LYST: variants seen among roughly 807,000 people sequenced by gnomAD.
The protein encoded by LYST is lysosomal-trafficking regulator.
LYST carries 192 observed loss-of-function variants against 413.6 expected under a neutral mutation model. The observed-to-expected ratio is 0.46, with a 90% CI of 0.41 to 0.52. The LOEUF (loss-of-function observed/expected upper bound fraction) is 0.52, where lower values mean the gene tolerates loss of function less well. Ranked by LOEUF, LYST falls within the 20% of genes least tolerant of loss-of-function variation. LYST has a pLI of 0.00. For missense variants in LYST, 3,815 were observed against 4,499.9 expected (o/e 0.85, Z 4.35); for synonymous variants, 1,525 against 1,567.3 (o/e 0.97, Z 0.64).
intron 1 of LYST, among the ~76,000 whole-genome samples, chr1:235,851,390 G>A (rs962721958): frequency 4.6e-5 from 7 of 151,004 alleles, no homozygotes; most frequent in Non-Finnish European, 8.9e-5. Context: ...AATGGACTCT[G>A]AGGACTTGGG....
intron 1 of LYST, among the ~76,000 whole-genome samples, chr1:235,853,967 A>C (rs1678862154): frequency 6.7e-6 from 1 of 150,350 alleles, no homozygotes. Context: ...TTGTAGCTAT[A>C]GAGAGAGAGA....
At chr1:235,684,495 A>G (rs535932178) in intron 48 of LYST, among the ~76,000 whole-genome samples, 1 of 152,362 alleles carries the variant, frequency 6.6e-6, no homozygotes, top group South Asian at 2.1e-4. Context: ...GATTAAAGGT[A>G]ATGGCAGTGT....
intron 1 of LYST, among the ~76,000 whole-genome samples, chr1:235,856,032 G>C (rs1679138067): frequency 6.6e-6 from 1 of 152,054 alleles, no homozygotes; most frequent in Non-Finnish European, 1.5e-5. Context: ...GCAGAGCACA[G>C]AACAGAAATA....
Position 235,830,166 on chromosome 1 carries a change from T to C in LYST, c.192+60A>G, listed in dbSNP as rs550920752. 5.1e-5 allele frequency: 66 copies of C among 1,291,470 alleles called. No individual in the cohort carries two copies. The African/African-American group carries it at 8.4e-4, about 16-fold the overall frequency. 80.0% of individuals were successfully genotyped at this position (1,291,470 alleles called of 1,614,324 possible). Reference sequence around the variant, plus strand: ...TCAGAAACTATGTAATCCAAAACCATGTAGCTACAGTTAACTATCATATAT... The same window carrying C: ...TCAGAAACTATGTAATCCAAAACCACGTAGCTACAGTTAACTATCATATAT... On this transcript the variant is annotated intron_variant, in intron 3 of 52. Coordinates refer to ENST00000389793, the MANE Select transcript of LYST (RefSeq NM_000081.4).
chr1:235,742,456 GA>G (rs980963372), intron 30 of LYST, among the ~76,000 whole-genome samples: 261 of 133,198 alleles, frequency 2.0e-3, no homozygotes, highest in African/African-American at 4.8e-3. Context: ...CTCCATCTCA[GA>G]AAAAAAAAAA....
At chr1:235,830,102 G>T (rs1372624838) in intron 3 of LYST, 124 bp downstream of exon 3, 2 of 697,570 alleles carry the variant, frequency 2.9e-6, no homozygotes, top group Non-Finnish European at 4.9e-6. Flanking sequence ...TTTTTTTAGT[G>T]GAATAATGTG....
At chr1:235,678,574 A>G (rs1659567616) in intron 48 of LYST, among the ~76,000 whole-genome samples, 1 of 152,170 alleles carries the variant, frequency 6.6e-6, no homozygotes, top group Non-Finnish European at 1.5e-5. Flanking sequence ...TTTCCCCTTC[A>G]AAAATATAGA....
chr1:235,817,345 C>T (rs1309505077), intron 3 of LYST, among the ~76,000 whole-genome samples: 1 of 152,174 alleles, frequency 6.6e-6, no homozygotes, highest in Admixed American at 6.5e-5. Flanking sequence ...AACAGAACTA[C>T]CATTCAACCC....
intron 40 of LYST, among the ~76,000 whole-genome samples, chr1:235,718,559 G>C (rs1663055639): frequency 6.6e-6 from 1 of 152,170 alleles, no homozygotes; most frequent in African/African-American, 2.4e-5. Context: ...ACTGCGCCCA[G>C]CTTAAATCTG....
At chr1:235,747,382 C>T (rs7528423) in intron 28 of LYST, 6,104 of 303,172 alleles carry the variant, frequency 0.02, 364 homozygotes, top group African/African-American at 0.13. Context: ...ATAACCTCTA[C>T]AAAAATTACT....
chr1:235,859,933 A>T (rs1482459454), intron 1 of LYST, among the ~76,000 whole-genome samples: 2 of 152,252 alleles, frequency 1.3e-5, no homozygotes, highest in Non-Finnish European at 2.9e-5. Context: ...TTGGCAAAGT[A>T]AGCATGAAGT....
intron 10 of LYST, among the ~76,000 whole-genome samples, chr1:235,796,263 C>T (rs1365466779): frequency 6.6e-6 from 1 of 151,912 alleles, no homozygotes; most frequent in Non-Finnish European, 1.5e-5. Flanking sequence ...ATAGAATAGA[C>T]AAATAGGACT....
chr1:235,864,668 A>G (rs1490142598), intron 1 of LYST, among the ~76,000 whole-genome samples: 2 of 152,214 alleles, frequency 1.3e-5, no homozygotes, highest in Admixed American at 6.5e-5. Context: ...GCAGTGGCTC[A>G]CGCCTACAAT....
In LYST at chr1:235,808,895, A is replaced by G; in HGVS notation, c.1923T>C (p.Thr641=). 1.2e-6 allele frequency: 2 copies of G among 1,613,302 alleles called. No individual in the cohort carries two copies. The highest frequency in any genetic ancestry group is 1.1e-5 in the South Asian group (1 of 91,010). Residue 641 remains threonine, a synonymous_variant, in exon 5 of 53, where the codon ACT becomes ACC. Transcript: ENST00000389793. ...ATTGGGCTAGTTGGTCAGAGTCAAC[A>G]GTACAAATATTACAAGCTGCTTTTT... ...KIKKAACNIC[T]VDSDQLAQLE... is the part of the protein sequence containing the mutation.
At chr1:235,704,545 G>A (rs1172886673) in intron 44 of LYST, among the ~76,000 whole-genome samples, 5 of 152,214 alleles carry the variant, frequency 3.3e-5, no homozygotes, top group South Asian at 2.1e-4. Context: ...TTGGTCACAC[G>A]TATGTCTTGT....
rs758182299 is a variant in LYST at position 235,808,545 on chromosome 1, T to C, written c.2273A>G (p.Gln758Arg). ...HCQHLSVTSA[Q>R]SHVCSHHNQC... is the part of the protein sequence containing the mutation. ...GTTATGATGGCTACATACATGACTT[T>C]GAGCTGAAGTAACGCTTAGGTGTTG... The change falls in exon 5 of 53, where the codon CAA becomes CGA. Residue 758 changes from glutamine to arginine, a missense_variant. Coordinates refer to ENST00000389793, the MANE Select transcript of LYST (RefSeq NM_000081.4). The C allele has an allele frequency of 2.5e-5, 41 of 1,613,780 alleles. 1 individual carries two copies. Among genetic ancestry groups the C allele is most frequent in the Non-Finnish European group, 2.5e-6 (3 of 1,179,846 alleles).
At chr1:235,706,687 A>C (rs1662017416) in intron 44 of LYST, among the ~76,000 whole-genome samples, 1 of 152,182 alleles carries the variant, frequency 6.6e-6, no homozygotes, top group African/African-American at 2.4e-5. Flanking sequence ...TTATATGTAA[A>C]GTTGTTATTC....
Position 235,766,244 on chromosome 1 carries a change from G to A in LYST, c.5956C>T (p.Arg1986Ter), listed in dbSNP as rs1188244229. Residue 1986 changes from arginine to a stop codon, truncating the protein, a stop_gained, in exon 21 of 53, where the codon CGA becomes TGA. Transcript: ENST00000389793. LOFTEE classifies it high-confidence loss of function. ...YKEGQLTPMP[R>*]EVCRSFVKII... ...TTCACAAATGATCTACAAACCTCTCGGGGCATGGGTGTGAGTTGCCCCTCT... is the reference window on the plus strand; with the variant it reads ...TTCACAAATGATCTACAAACCTCTCAGGGCATGGGTGTGAGTTGCCCCTCT... The A allele has an allele frequency of 3.1e-6, 5 of 1,612,144 alleles. No individual in the cohort carries two copies. Among genetic ancestry groups the A allele is most frequent in the Non-Finnish European group, 3.4e-6 (4 of 1,179,236 alleles).
At chr1:235,705,876 C>A (rs1661947703) in intron 44 of LYST, among the ~76,000 whole-genome samples, 1 of 152,138 alleles carries the variant, frequency 6.6e-6, no homozygotes, top group Non-Finnish European at 1.5e-5. Flanking sequence ...ACTGCAACCT[C>A]CACCTCCCAG....
Sources: allele counts gnomAD v4.1 joint callset (sites outside exome capture counted in the v4.1 genomes callset), GRCh38; gene constraint gnomAD v4.1.1; transcripts MANE v1.5; gene names NCBI Gene and HGNC (gene_info 2026-07-23, HGNC 2026-07-21).